Variants in ROBO2 observed in about 807,000 individuals in gnomAD.
ROBO2 encodes roundabout homolog 2.
Under a neutral mutation model 160.8 loss-of-function variants are expected in ROBO2, and 53 were observed. The observed-to-expected ratio is 0.33, with a 90% CI of 0.26 to 0.41. The LOEUF (loss-of-function observed/expected upper bound fraction) is 0.41, where lower values mean the gene tolerates loss of function less well. Ranked by LOEUF, ROBO2 falls within the 10% of genes least tolerant of loss-of-function variation. The pLI is 1.00. For synonymous variants in ROBO2, 664 were observed against 611.7 expected (o/e 1.09, Z -1.26); for missense variants, 1,577 against 1,722.4 (o/e 0.92, Z 1.49).
intron 2 of ROBO2, among the ~76,000 whole-genome samples, chr3:76,384,971 T>A (rs2076813046): frequency 1.3e-5 from 2 of 152,190 alleles, no homozygotes; most frequent in African/African-American, 2.4e-5. Flanking sequence ...TATTATTTTG[T>A]CCGCAAAGTG....
At position 77,027,793 on chromosome 3, in the gene ROBO2, A is replaced by C. The variant is rs111422453; in HGVS notation, c.110-70221A>C. On this transcript the variant is annotated intron_variant, in intron 2 of 26. Transcript: ENST00000487694. ...TTAATTAAGTGTGTGCGTGTGTGCC[A>C]GGGGAGGGAGGAATCACGGCTAAGC... 6.4e-3 allele frequency among the ~76,000 whole-genome samples: 978 copies of C among 152,238 alleles called. 13 individuals carry two copies. Among genetic ancestry groups the C allele is most frequent in the South Asian group, 0.031 (150 of 4,826 alleles).
chr3:76,498,533 T>C (rs1577661051), intron 2 of ROBO2, among the ~76,000 whole-genome samples: 1 of 151,900 alleles, frequency 6.6e-6, no homozygotes, highest in South Asian at 2.1e-4. Context: ...ATAATAAATA[T>C]ATATTTCTAA....
At chr3:77,293,209 G>A (rs576985359) in intron 2 of ROBO2, among the ~76,000 whole-genome samples, 5 of 148,442 alleles carry the variant, frequency 3.4e-5, no homozygotes, top group East Asian at 4.1e-4. Flanking sequence ...ACGGTTAAAC[G>A]GGTAAGCTGA....
At chr3:76,271,492 T>C (rs1257883751) in intron 2 of ROBO2, among the ~76,000 whole-genome samples, 1 of 150,186 alleles carries the variant, frequency 6.7e-6, no homozygotes, top group Non-Finnish European at 1.5e-5. Flanking sequence ...GATTCACATA[T>C]GTTTAATATT....
chr3:77,298,459 C>T (rs1190148527), intron 2 of ROBO2, among the ~76,000 whole-genome samples: 1 of 152,114 alleles, frequency 6.6e-6, no homozygotes, highest in Non-Finnish European at 1.5e-5. Context: ...AGAGCAATGC[C>T]TAGAGTCCAG....
chr3:77,582,686 T>C lies in ROBO2; in HGVS notation c.2500+2568T>C, dbSNP rs180721353. Among the ~76,000 whole-genome samples, 1,078 of 152,250 alleles carry C rather than the reference T, an allele frequency of 7.1e-3. 10 individuals carry two copies. The highest frequency in any genetic ancestry group is 0.024 in the African/African-American group (1,001 of 41,542). ...TGTCACTCCTTTTCCTCTCATCTTTTTTTTGTTGTTGTTATTATTATACCT... is the reference window on the plus strand; with the variant it reads ...TGTCACTCCTTTTCCTCTCATCTTTCTTTTGTTGTTGTTATTATTATACCT... On this transcript the variant is annotated intron_variant, in intron 16 of 25. Coordinates refer to ENST00000461745, the Ensembl canonical transcript of ROBO2.
chr3:77,315,913 A>G (rs1377923960), intron 2 of ROBO2, among the ~76,000 whole-genome samples: 2 of 151,918 alleles, frequency 1.3e-5, no homozygotes, highest in Non-Finnish European at 2.9e-5. Context: ...TCAATATTTT[A>G]TTCAAGTTTC....
intron 2 of ROBO2, among the ~76,000 whole-genome samples, chr3:76,163,133 T>C (rs1045295365): frequency 6.6e-6 from 1 of 152,132 alleles, no homozygotes; most frequent in Non-Finnish European, 1.5e-5. Context: ...TTATCATGTT[T>C]ATCATTGTTT....
At chr3:77,267,865 A>G (rs2059238728) in intron 2 of ROBO2, among the ~76,000 whole-genome samples, 2 of 152,282 alleles carry the variant, frequency 1.3e-5, no homozygotes, top group Non-Finnish European at 1.5e-5. Context: ...ATATTGAACT[A>G]TAGACTTACC....
At chr3:77,090,105 A>G (rs1297040152) in intron 1 of ROBO2, among the ~76,000 whole-genome samples, 2 of 152,260 alleles carry the variant, frequency 1.3e-5, no homozygotes, top group East Asian at 1.9e-4. Context: ...AAATGTATCA[A>G]GCAATAAAAC....
At chr3:76,434,151 G>T in intron 2 of ROBO2, 1 of 1,183,662 alleles carries the variant, frequency 8.4e-7, no homozygotes, top group Non-Finnish European at 1.3e-6. Flanking sequence ...CTCACTGCTT[G>T]CTGGTCCTGT....
chr3:76,464,042 G>C (rs2078236993), intron 2 of ROBO2, among the ~76,000 whole-genome samples: 1 of 152,124 alleles, frequency 6.6e-6, no homozygotes, highest in South Asian at 2.1e-4. Context: ...AAGAGAAATA[G>C]GCATTGACAG....
intron 2 of ROBO2, among the ~76,000 whole-genome samples, chr3:76,360,443 A>G (rs2075441129): frequency 1.3e-5 from 2 of 152,086 alleles, no homozygotes; most frequent in Non-Finnish European, 2.9e-5. Context: ...TTGACTTTGG[A>G]TACAAAAAAG....
rs140964792 is a variant in ROBO2 at position 75,995,947 on chromosome 3, A to G, written c.109+58345A>G. Among the ~76,000 whole-genome samples, 17 of 152,268 alleles carry G rather than the reference A, an allele frequency of 1.1e-4. 1 individual carries two copies. The East Asian group carries it at 3.1e-3, about 28-fold the overall frequency. ...TTTTGGCCAATTTCTCCCTTTTGGA[A>G]TGGGTGCATTTACCCAATGCTTATA... is the stretch of plus-strand genomic sequence containing the variant. On this transcript the variant is annotated intron_variant, in intron 2 of 26. Transcript: ENST00000487694.
At chr3:76,539,362 TA>T (rs63215964) in intron 2 of ROBO2, among the ~76,000 whole-genome samples, 14,075 of 137,062 alleles carry the variant, frequency 0.1, 1,148 homozygotes, top group African/African-American at 0.24. Context: ...TAAGTAAAAT[TA>T]AAAAAAAAAA....
At chr3:76,421,849 G>A (rs1179376779) in intron 2 of ROBO2, among the ~76,000 whole-genome samples, 1 of 152,186 alleles carries the variant, frequency 6.6e-6, no homozygotes, top group Non-Finnish European at 1.5e-5. Flanking sequence ...TGCCACGAAA[G>A]TCACATTTAG....
chr3:76,473,017 A>T (rs946452393), intron 2 of ROBO2, among the ~76,000 whole-genome samples: 2 of 152,164 alleles, frequency 1.3e-5, no homozygotes, highest in African/African-American at 4.8e-5. Context: ...TTTTTTTATG[A>T]TTTAACTTAA....
intron 2 of ROBO2, among the ~76,000 whole-genome samples, chr3:76,127,208 A>T (rs2071023167): frequency 6.6e-6 from 1 of 152,160 alleles, no homozygotes; most frequent in Non-Finnish European, 1.5e-5. Context: ...CATCAACCAC[A>T]ATACCAGATA....
chr3:77,547,357 G>A (rs1432323466), intron 7 of ROBO2, among the ~76,000 whole-genome samples: 1 of 152,060 alleles, frequency 6.6e-6, no homozygotes, highest in Admixed American at 6.6e-5. Context: ...CTGAGGAAGA[G>A]ACCTACTGGT....
Sources: gnomAD v4.1 joint callset for allele counts (sites outside exome capture counted in the v4.1 genomes callset) on GRCh38, gnomAD v4.1.1 for gene constraint, MANE v1.5 for transcripts, NCBI Gene and HGNC (gene_info 2026-07-23, HGNC 2026-07-21) for gene names.